The following RIN2 variants were observed in gnomAD, a reference collection of about 807,000 sequenced individuals.
The protein encoded by RIN2 is RAB5 interacting protein 2.
A neutral mutation model predicts 78.0 loss-of-function variants in RIN2; 36 were observed. The observed-to-expected ratio is 0.46, with a 90% CI of 0.35 to 0.61. RIN2 has a LOEUF of 0.61. RIN2 is among the 20% of genes least tolerant of loss of function. The pLI, the probability that RIN2 is intolerant of heterozygous loss-of-function variation, is 0.00. For synonymous variants in RIN2, 466 were observed against 466.8 expected, an observed-to-expected ratio of 1.00 and a Z score of 0.02; for missense variants, 1,087 against 1,159.7, an observed-to-expected ratio of 0.94 and a Z score of 0.91.
At chr20:19,950,680 A>G (rs1475589166) in intron 4 of RIN2, among the ~76,000 whole-genome samples, 1 of 152,108 alleles carries the variant, frequency 6.6e-6, no homozygotes, top group Non-Finnish European at 1.5e-5. Context: ...TAAGCATAAT[A>G]AAATTATCAC....
At chr20:19,921,641 G>A (rs545283284) in intron 3 of RIN2, among the ~76,000 whole-genome samples, 13 of 152,314 alleles carry the variant, frequency 8.5e-5, no homozygotes, top group African/African-American at 1.9e-4. Flanking sequence ...CCCACCGAGC[G>A]GCGCCAAGCA....
At chr20:19,900,233 C>T (rs890818902) in intron 3 of RIN2, among the ~76,000 whole-genome samples, 3 of 152,200 alleles carry the variant, frequency 2.0e-5, no homozygotes, top group Non-Finnish European at 4.4e-5. Flanking sequence ...CCTGTAATCC[C>T]AGCACTTTGG....
At chr20:19,826,965 T>G (rs2036107776) in intron 2 of RIN2, among the ~76,000 whole-genome samples, 1 of 141,850 alleles carries the variant, frequency 7.0e-6, no homozygotes, top group Admixed American at 7.2e-5. Flanking sequence ...TTCTATTCGT[T>G]TGGTTTTGGG....
intron 2 of RIN2, among the ~76,000 whole-genome samples, chr20:19,879,402 G>A (rs147670430): frequency 5.9e-5 from 9 of 152,200 alleles, no homozygotes; most frequent in African/African-American, 1.9e-4. Context: ...ACCTGTTATC[G>A]GCACATTTAC....
At chr20:19,920,854 G>A (rs2039886707) in intron 3 of RIN2, among the ~76,000 whole-genome samples, 1 of 152,154 alleles carries the variant, frequency 6.6e-6, no homozygotes, top group South Asian at 2.1e-4. Context: ...TGTATTTTTA[G>A]TGGAGACGGG....
chr20:19,892,991 A>T (rs952372525), intron 3 of RIN2, among the ~76,000 whole-genome samples: 2 of 152,182 alleles, frequency 1.3e-5, no homozygotes, highest in African/African-American at 4.8e-5. Context: ...AGCAGAAGCC[A>T]CCCCTAACCT....
intron 2 of RIN2, among the ~76,000 whole-genome samples, chr20:19,877,881 G>A (rs762925682): frequency 2.6e-5 from 4 of 152,106 alleles, no homozygotes; most frequent in Admixed American, 6.6e-5. Context: ...TTATCCAAGT[G>A]TGGTGGTGCA....
chr20:19,832,069 T>C (rs1429048607), intron 2 of RIN2, among the ~76,000 whole-genome samples: 3 of 152,044 alleles, frequency 2.0e-5, no homozygotes, highest in Non-Finnish European at 2.9e-5. Context: ...ATCCGTACAC[T>C]GTGTGGTGGT....
At chr20:19,781,309 G>A (rs1465331391) in intron 1 of RIN2, among the ~76,000 whole-genome samples, 1 of 152,224 alleles carries the variant, frequency 6.6e-6, no homozygotes, top group Non-Finnish European at 1.5e-5. Flanking sequence ...GTTGTAAGGA[G>A]TGTGTAGAAT....
chr20:19,826,992 T>TC lies in RIN2; in HGVS notation c.-37+27245_-37+27246insC, dbSNP rs397773557. On this transcript the variant is annotated intron_variant, in intron 2 of 12. Transcript: ENST00000255006. ...GGTTTTGGGTTTTTTTTTTTTTTTTTGAGACAGAGTTTCGCTCTTGTTGCC... is the reference window on the plus strand; with the variant it reads ...GGTTTTGGGTTTTTTTTTTTTTTTTTCGAGACAGAGTTTCGCTCTTGTTGCC... 1.0e-4 allele frequency among the ~76,000 whole-genome samples: 15 copies of TC among 150,310 alleles called. No homozygotes were observed. In the South Asian group the frequency reaches 1.9e-3, roughly 19 times the overall value.
chr20:19,864,450 G>A lies in RIN2; in HGVS notation c.-36-25116G>A, dbSNP rs73901311. On this transcript the variant is annotated intron_variant, in intron 2 of 12. Coordinates refer to ENST00000255006, the MANE Select transcript of RIN2 (RefSeq NM_018993.4). ...CAAAATTACCAGGTCGTGAAACACA[G>A]CATCCTTTGAATCCTTCCTTCCTGA... Among the ~76,000 whole-genome samples, 1,268 of 152,304 alleles carry A rather than the reference G, an allele frequency of 8.3e-3. 21 individuals carry two copies. The highest frequency in any genetic ancestry group is 0.029 in the African/African-American group (1,201 of 41,558).
At chr20:19,843,298 A>T (rs1470519137) in intron 2 of RIN2, among the ~76,000 whole-genome samples, 1 of 152,222 alleles carries the variant, frequency 6.6e-6, no homozygotes, top group African/African-American at 2.4e-5. Flanking sequence ...TACTGTGGGT[A>T]AAATGCTATC....
At chr20:19,908,062 A>G (rs1356053398) in intron 3 of RIN2, among the ~76,000 whole-genome samples, 2 of 152,200 alleles carry the variant, frequency 1.3e-5, no homozygotes, top group East Asian at 3.9e-4. Flanking sequence ...CATGCCTGTA[A>G]CATTGACCTC....
intron 3 of RIN2, among the ~76,000 whole-genome samples, chr20:19,917,684 A>C (rs1204568092): frequency 6.6e-6 from 1 of 152,244 alleles, no homozygotes; most frequent in Non-Finnish European, 1.5e-5. Context: ...CAACTTGTTT[A>C]TTTCCACTTA....
At chr20:19,995,251 G>GTTT (rs141557975) in intron 11 of RIN2, among the ~76,000 whole-genome samples, 9 of 109,308 alleles carry the variant, frequency 8.2e-5, no homozygotes, top group African/African-American at 3.3e-4. Context: ...GCCAGTGTCT[G>GTTT]TTTTTTTTTT....
At chr20:19,907,975 A>T (rs1277455549) in intron 3 of RIN2, among the ~76,000 whole-genome samples, 1 of 152,200 alleles carries the variant, frequency 6.6e-6, no homozygotes, top group Non-Finnish European at 1.5e-5. Context: ...AATGCCAGCC[A>T]TCAAGAAGGC....
rs547822844 is a variant in RIN2, at chr20:19,930,336, C to T, written c.58-4763C>T. 5.9e-5 allele frequency among the ~76,000 whole-genome samples: 9 copies of T among 152,242 alleles called. No individual in the cohort carries two copies. In the South Asian group the frequency reaches 8.3e-4, roughly 14 times the overall value. On this transcript the variant is annotated intron_variant, in intron 3 of 12. Transcript: ENST00000255006. ...GCCGCTAAGTGACAGCCACAGACAC[C>T]GTCAGCTTCTTGTGTGTGGCCAGAT...
At chr20:19,901,235 T>G (rs996268778) in intron 3 of RIN2, among the ~76,000 whole-genome samples, 4 of 152,206 alleles carry the variant, frequency 2.6e-5, no homozygotes, top group Non-Finnish European at 4.4e-5. Context: ...GATACAGTAT[T>G]TTGATGATTT....
intron 2 of RIN2, chr20:19,823,388 C>CTTCTTT: frequency 8.0e-6 from 3 of 376,714 alleles, no homozygotes; most frequent in African/African-American, 1.1e-4. Flanking sequence ...GCTCTGCCTG[C>CTTCTTT]TTTTTTTTTT....
Sources: gnomAD v4.1 joint callset for allele counts (sites outside exome capture counted in the v4.1 genomes callset) on GRCh38, gnomAD v4.1.1 for gene constraint, MANE v1.5 for transcripts, NCBI Gene and HGNC (gene_info 2026-07-23, HGNC 2026-07-21) for gene names.